The following COL5A2 variants were observed in gnomAD, a reference collection of about 807,000 sequenced individuals.
COL5A2 encodes the protein collagen alpha-2(V) chain.
Under a neutral mutation model 208.2 loss-of-function variants are expected in COL5A2, and 23 were observed. The observed-to-expected ratio is 0.11, with a 90% CI of 0.08 to 0.16. The LOEUF (loss-of-function observed/expected upper bound fraction) is 0.16, where lower values mean the gene tolerates loss of function less well. COL5A2 is among the 10% of genes least tolerant of loss of function. COL5A2 has a pLI of 1.00. For missense variants in COL5A2, 1,590 were observed against 1,956.4 expected (o/e 0.81, Z 3.53); for synonymous variants, 625 against 628.5 (o/e 0.99, Z 0.08).
the COL5A2 span, among the ~76,000 whole-genome samples, chr2:189,288,224 T>C: frequency 1.3e-5 from 2 of 152,248 alleles, no homozygotes; most frequent in Admixed American, 6.5e-5. Context: ...TTTATAACCA[T>C]GCATATGTTA....
chr2:189,129,078 C>T (rs1687661769), intron 1 of COL5A2, among the ~76,000 whole-genome samples: 1 of 151,790 alleles, frequency 6.6e-6, no homozygotes, highest in Non-Finnish European at 1.5e-5. Context: ...CAAAGTTCTC[C>T]CAGATTCCAT....
chr2:189,059,584 G>GTTTTTTTTTTTTTTTTTTTTTTTT (rs1559083852), intron 31 of COL5A2, among the ~76,000 whole-genome samples: 1 of 21,234 alleles, frequency 4.7e-5, no homozygotes, highest in Admixed American at 5.1e-4. Context: ...TTTCTTTTCT[G>GTTTTTTTTTTTTTTTTTTTTTTTT]GTTTTTTTTT....
At chr2:189,086,349 T>C (rs1686662227) in intron 9 of COL5A2, among the ~76,000 whole-genome samples, 1 of 152,232 alleles carries the variant, frequency 6.6e-6, no homozygotes, top group Non-Finnish European at 1.5e-5. Context: ...TTGATTCTTA[T>C]TTCTAATAAT....
chr2:189,289,498 C>A, the COL5A2 span, among the ~76,000 whole-genome samples: 1 of 152,008 alleles, frequency 6.6e-6, no homozygotes, highest in Non-Finnish European at 1.5e-5. Flanking sequence ...CCACTCTTAC[C>A]ATTTCTATTC....
the COL5A2 span, among the ~76,000 whole-genome samples, chr2:189,356,388 G>A: frequency 6.6e-6 from 1 of 151,972 alleles, no homozygotes; most frequent in Non-Finnish European, 1.5e-5. Context: ...ACGTAGATTT[G>A]GTCTTTTCAC....
chr2:189,408,989 T>C, the COL5A2 span, among the ~76,000 whole-genome samples: 1 of 152,252 alleles, frequency 6.6e-6, no homozygotes, highest in Non-Finnish European at 1.5e-5. Flanking sequence ...ACCTGAAAAA[T>C]GCACCCATTC....
chr2:189,271,403 G>T, the COL5A2 span, among the ~76,000 whole-genome samples: 2 of 152,068 alleles, frequency 1.3e-5, no homozygotes, highest in Non-Finnish European at 2.9e-5. Flanking sequence ...AACAAGCAAT[G>T]GGGAAAGGAT....
intron 1 of COL5A2, among the ~76,000 whole-genome samples, chr2:189,131,459 G>T (rs1409207866): frequency 1.3e-5 from 2 of 151,982 alleles, no homozygotes; most frequent in African/African-American, 4.8e-5. Flanking sequence ...TTAATTTCTT[G>T]GGTGAAAAAA....
the COL5A2 span, among the ~76,000 whole-genome samples, chr2:189,424,577 A>G: frequency 5.3e-5 from 8 of 152,150 alleles, no homozygotes; most frequent in African/African-American, 1.9e-4. Flanking sequence ...TAGTAGCTAC[A>G]AAAGAAATAA....
chr2:189,182,651 T>G (rs549051591), upstream of COL5A2, among the ~76,000 whole-genome samples: 1 of 152,316 alleles, frequency 6.6e-6, no homozygotes, highest in South Asian at 2.1e-4. Flanking sequence ...TTGCTAAATA[T>G]TCAGGAAGAA....
intron 1 of COL5A2, among the ~76,000 whole-genome samples, chr2:189,122,219 G>A (rs1041420323): frequency 1.3e-5 from 2 of 152,172 alleles, no homozygotes; most frequent in African/African-American, 2.4e-5. Flanking sequence ...TATAAGATAC[G>A]AGGTTTGAGA....
chr2:189,252,325 C>T, the COL5A2 span, among the ~76,000 whole-genome samples: 63 of 152,190 alleles, frequency 4.1e-4, 1 homozygote, highest in East Asian at 4.8e-3. Context: ...ATGTTTATTG[C>T]GGCACTATTC....
the COL5A2 span, among the ~76,000 whole-genome samples, chr2:189,267,466 T>A: frequency 6.6e-6 from 1 of 152,070 alleles, no homozygotes; most frequent in Non-Finnish European, 1.5e-5. Flanking sequence ...AAAAGGAACA[T>A]GCTAAATGCA....
intron 1 of COL5A2, among the ~76,000 whole-genome samples, chr2:189,111,929 G>A (rs1246996426): frequency 2.6e-5 from 4 of 151,146 alleles, no homozygotes; most frequent in Admixed American, 6.6e-5. Context: ...CCAATGGTGC[G>A]ATCTCAGCTC....
At chr2:189,225,739 A>C (rs571726588), upstream of COL5A2, among the ~76,000 whole-genome samples, 1 of 152,140 alleles carries the variant, frequency 6.6e-6, no homozygotes, top group Non-Finnish European at 1.5e-5. Flanking sequence ...TTTCATATAT[A>C]TGTTCTAAGT....
At chr2:189,085,660 A>G (rs1184343121) in intron 10 of COL5A2, 59 bp downstream of exon 10, 1 of 1,379,022 alleles carries the variant, frequency 7.3e-7, no homozygotes, top group Non-Finnish European at 1.0e-6. Context: ...TCAATATTTG[A>G]CATCATTATA....
chr2:189,297,325 T>C, the COL5A2 span, among the ~76,000 whole-genome samples: 1 of 152,194 alleles, frequency 6.6e-6, no homozygotes, highest in East Asian at 1.9e-4. Flanking sequence ...TACATTAAAT[T>C]TGTCATTATT....
chr2:189,373,616 T>C, the COL5A2 span, among the ~76,000 whole-genome samples: 2 of 152,166 alleles, frequency 1.3e-5, no homozygotes, highest in African/African-American at 4.8e-5. Flanking sequence ...AGGCTTTCTA[T>C]ATAGCTGTAA....
At chr2:189,238,384 G>A in the COL5A2 span, among the ~76,000 whole-genome samples, 1 of 151,976 alleles carries the variant, frequency 6.6e-6, no homozygotes, top group Non-Finnish European at 1.5e-5. Flanking sequence ...TCATGAACCT[G>A]AAGCATTAAT....
Sources: allele counts gnomAD v4.1 joint callset (sites outside exome capture counted in the v4.1 genomes callset), GRCh38; gene constraint gnomAD v4.1.1; transcripts MANE v1.5; gene names NCBI Gene and HGNC (gene_info 2026-07-23, HGNC 2026-07-21).